Variants in SPAG16 observed in about 807,000 individuals in gnomAD.
SPAG16 encodes sperm-associated antigen 16 protein.
In SPAG16, 86 loss-of-function variants were observed where a neutral mutation model predicts 80.4. That is an observed-to-expected ratio of 1.07 (90% CI 0.90 to 1.28). The LOEUF is 1.28. SPAG16 is among the 50% of genes most tolerant of loss of function. SPAG16 has a pLI of 0.00. For synonymous variants in SPAG16, 294 were observed against 265.9 expected (o/e 1.11, Z -1.03); for missense variants, 870 against 765.3 (o/e 1.14, Z -1.61).
At chr2:213,364,281 G>C in intron 8 of SPAG16, 136 bp downstream of exon 8, 1 of 424,554 alleles carries the variant, frequency 2.4e-6, no homozygotes, top group Non-Finnish European at 4.1e-6. Flanking sequence ...TTAATAAAAA[G>C]ATTAAGAAGA....
At chr2:213,742,672 T>C (rs2067619855) in intron 10 of SPAG16, among the ~76,000 whole-genome samples, 1 of 147,208 alleles carries the variant, frequency 6.8e-6, no homozygotes. Context: ...CAGTCTCAGC[T>C]TCTCGAGTAG....
At chr2:214,257,061 T>C (rs1690742829) in intron 15 of SPAG16, among the ~76,000 whole-genome samples, 1 of 151,948 alleles carries the variant, frequency 6.6e-6, no homozygotes, top group Non-Finnish European at 1.5e-5. Flanking sequence ...ACTTATTTAG[T>C]GTTCTTTAAT....
chr2:214,245,886 G>T (rs187414058), intron 15 of SPAG16, among the ~76,000 whole-genome samples: 2 of 152,088 alleles, frequency 1.3e-5, no homozygotes, highest in Admixed American at 6.6e-5. Context: ...ACTTCAAAGG[G>T]CCTAAAACGT....
chr2:213,556,178 C>A (rs2059416487), intron 10 of SPAG16, among the ~76,000 whole-genome samples: 2 of 151,236 alleles, frequency 1.3e-5, no homozygotes, highest in Admixed American at 6.6e-5. Context: ...GAACAAAGGA[C>A]CTAAAAAACA....
chr2:213,440,046 A>T (rs1040516898), intron 9 of SPAG16, among the ~76,000 whole-genome samples: 2 of 152,202 alleles, frequency 1.3e-5, no homozygotes, highest in African/African-American at 2.4e-5. Context: ...GATACTGCGT[A>T]GCTGTCAATT....
At chr2:213,630,929 G>C (rs2062126822) in intron 10 of SPAG16, among the ~76,000 whole-genome samples, 1 of 152,174 alleles carries the variant, frequency 6.6e-6, no homozygotes, top group African/African-American at 2.4e-5. Context: ...CAACATGGTA[G>C]TGACTTGAGA....
intron 10 of SPAG16, among the ~76,000 whole-genome samples, chr2:213,671,456 T>C (rs1189311473): frequency 6.6e-6 from 1 of 152,128 alleles, no homozygotes; most frequent in African/African-American, 2.4e-5. Flanking sequence ...GTGGCATACA[T>C]AGCAGAACTG....
At chr2:213,551,614 T>G (rs2076782303) in intron 10 of SPAG16, among the ~76,000 whole-genome samples, 1 of 152,204 alleles carries the variant, frequency 6.6e-6, no homozygotes, top group South Asian at 2.1e-4. Flanking sequence ...GTGGGCAAAG[T>G]TTCTATTTCC....
intron 11 of SPAG16, among the ~76,000 whole-genome samples, chr2:213,901,447 C>G (rs371242337): frequency 6.6e-6 from 1 of 152,144 alleles, no homozygotes; most frequent in African/African-American, 2.4e-5. Context: ...CAACAACAAC[C>G]TTTCAGTAAT....
chr2:213,419,566 C>T (rs1037784070), intron 9 of SPAG16, among the ~76,000 whole-genome samples: 1 of 152,068 alleles, frequency 6.6e-6, no homozygotes, highest in Non-Finnish European at 1.5e-5. Flanking sequence ...GTCTGGCAGG[C>T]ATTCAAGATA....
At chr2:214,127,533 A>G (rs1451273884) in intron 14 of SPAG16, among the ~76,000 whole-genome samples, 1 of 151,848 alleles carries the variant, frequency 6.6e-6, no homozygotes, top group Non-Finnish European at 1.5e-5. Flanking sequence ...GGAAAACACA[A>G]TATTTATTTT....
chr2:214,053,273 G>A (rs956179), intron 13 of SPAG16, among the ~76,000 whole-genome samples: 75,267 of 152,000 alleles, frequency 0.5, 19,988 homozygotes, highest in East Asian at 0.77. Flanking sequence ...GGAGAAATTT[G>A]GAATCTATAT....
intron 15 of SPAG16, among the ~76,000 whole-genome samples, chr2:214,233,327 C>T (rs1688832995): frequency 6.8e-6 from 1 of 148,020 alleles, no homozygotes; most frequent in African/African-American, 2.5e-5. Context: ...CCCTAATTCT[C>T]AGTAAAAATA....
chr2:213,774,264 G>A (rs1161656843), intron 10 of SPAG16, among the ~76,000 whole-genome samples: 1 of 152,140 alleles, frequency 6.6e-6, no homozygotes, highest in Non-Finnish European at 1.5e-5. Flanking sequence ...TTTCAGTTCT[G>A]TAGGTTAGAA....
At chr2:213,413,718 G>A (rs2069110428) in intron 9 of SPAG16, among the ~76,000 whole-genome samples, 2 of 152,150 alleles carry the variant, frequency 1.3e-5, no homozygotes, top group African/African-American at 4.8e-5. Flanking sequence ...AAAGATGGCA[G>A]GGTAAATTAA....
intron 15 of SPAG16, among the ~76,000 whole-genome samples, chr2:214,364,601 G>T (rs992640118): frequency 3.9e-5 from 6 of 152,120 alleles, no homozygotes; most frequent in African/African-American, 9.7e-5. Flanking sequence ...TATTGGGATG[G>T]ATGTGAAGTT....
chr2:213,984,960 C>G (rs1171591115), intron 12 of SPAG16, among the ~76,000 whole-genome samples: 1 of 152,120 alleles, frequency 6.6e-6, no homozygotes, highest in African/African-American at 2.4e-5. Flanking sequence ...CCCTGACTAC[C>G]TACTTAAGTG....
chr2:214,307,836 A>T (rs773616589), intron 15 of SPAG16, among the ~76,000 whole-genome samples: 1 of 152,044 alleles, frequency 6.6e-6, no homozygotes, highest in Non-Finnish European at 1.5e-5. Context: ...AGTATGTGCC[A>T]TGTTGCAATG....
chr2:214,014,182 T>A, intron 13 of SPAG16, 105 bp downstream of exon 13: 3 of 1,399,350 alleles, frequency 2.1e-6, no homozygotes, highest in Non-Finnish European at 2.9e-6. Flanking sequence ...TGCAAGGGCA[T>A]TCAGGGCAAA....
Sources: allele counts gnomAD v4.1 joint callset (sites outside exome capture counted in the v4.1 genomes callset), GRCh38; gene constraint gnomAD v4.1.1; transcripts MANE v1.5; gene names NCBI Gene and HGNC (gene_info 2026-07-23, HGNC 2026-07-21).